NPAS3: variants seen among roughly 807,000 people sequenced by gnomAD.
NPAS3 encodes neuronal PAS domain protein 3.
NPAS3 carries 14 observed loss-of-function variants against 73.1 expected under a neutral mutation model. That is an observed-to-expected ratio of 0.19 (90% CI 0.13 to 0.30). NPAS3 has a LOEUF of 0.30. NPAS3 is among the 10% of genes least tolerant of loss of function. The pLI is 1.00. For missense variants in NPAS3, 1,096 were observed against 1,250.0 expected (o/e 0.88, Z 1.86); for synonymous variants, 620 against 541.5 (o/e 1.14, Z -2.01).
rs866595743 is a variant in NPAS3, at chr14:33,230,152, T to A, written c.385+14726T>A. Among the ~76,000 whole-genome samples, 13 of 152,344 alleles carry A rather than the reference T, an allele frequency of 8.5e-5. No homozygotes were observed. In the Middle Eastern group the frequency reaches 0.01, roughly 120 times the overall value. On this transcript the variant is annotated intron_variant, in intron 3 of 11. Transcript: ENST00000356141. ...TTCAGCATTTTGAGGAAATAAACTCTTAATGAGCCTGCATTCTTTTACAGC... is the reference window on the plus strand; with the variant it reads ...TTCAGCATTTTGAGGAAATAAACTCATAATGAGCCTGCATTCTTTTACAGC...
intron 2 of NPAS3, among the ~76,000 whole-genome samples, chr14:33,107,330 G>A (rs2042753245): frequency 1.3e-5 from 2 of 152,134 alleles, no homozygotes; most frequent in African/African-American, 2.4e-5. Context: ...GAGGTTTGGA[G>A]TACAAATGAA....
At chr14:33,792,032 T>C (rs1027344829) in intron 9 of NPAS3, among the ~76,000 whole-genome samples, 1 of 152,220 alleles carries the variant, frequency 6.6e-6, no homozygotes, top group African/African-American at 2.4e-5. Context: ...CTGTTAATAG[T>C]TAACCAGGTT....
chr14:32,965,998 G>A (rs1353106327), intron 1 of NPAS3, among the ~76,000 whole-genome samples: 1 of 152,102 alleles, frequency 6.6e-6, no homozygotes, highest in South Asian at 2.1e-4. Context: ...AACTAAGGAA[G>A]TGAAAGACTT....
intron 4 of NPAS3, among the ~76,000 whole-genome samples, chr14:33,485,952 G>A (rs567352077): frequency 6.0e-4 from 91 of 152,056 alleles, no homozygotes; most frequent in African/African-American, 1.8e-3. Context: ...ATGAATGTGA[G>A]TGGCCGCCTG....
chr14:33,495,305 C>G (rs1339054961), intron 4 of NPAS3, among the ~76,000 whole-genome samples: 1 of 152,052 alleles, frequency 6.6e-6, no homozygotes, highest in African/African-American at 2.4e-5. Context: ...GTTTCTTAAT[C>G]CTGAGTTCTA....
At chr14:33,020,219 A>G (rs188712894) in intron 1 of NPAS3, among the ~76,000 whole-genome samples, 8 of 152,370 alleles carry the variant, frequency 5.3e-5, no homozygotes, top group Non-Finnish European at 1.5e-5. Flanking sequence ...ATCAGTATCA[A>G]TTAATTCTTA....
At chr14:33,499,367 TA>T (rs1319685506) in intron 4 of NPAS3, among the ~76,000 whole-genome samples, 1 of 151,874 alleles carries the variant, frequency 6.6e-6, no homozygotes, top group Non-Finnish European at 1.5e-5. Flanking sequence ...TTTCAAGATT[TA>T]AACCCTTTTT....
At chr14:33,259,857 CT>C (rs33939091) in intron 3 of NPAS3, among the ~76,000 whole-genome samples, 109,843 of 145,662 alleles carry the variant, frequency 0.75, 41,721 homozygotes, top group Non-Finnish European at 0.84. Context: ...GCAGCAGCAT[CT>C]TTTTTTTTTT....
chr14:33,109,467 A>G (rs1405108419), intron 2 of NPAS3, among the ~76,000 whole-genome samples: 2 of 152,154 alleles, frequency 1.3e-5, no homozygotes, highest in African/African-American at 2.4e-5. Flanking sequence ...TGGGGATTAC[A>G]TTTCATAGAA....
At chr14:33,408,983 G>A (rs2047792708) in intron 4 of NPAS3, among the ~76,000 whole-genome samples, 1 of 152,130 alleles carries the variant, frequency 6.6e-6, no homozygotes, top group Non-Finnish European at 1.5e-5. Flanking sequence ...TTAAGCAATG[G>A]CAAAACTATC....
chr14:32,966,626 C>T (rs1276754556), intron 1 of NPAS3, among the ~76,000 whole-genome samples: 2 of 74,842 alleles, frequency 2.7e-5, no homozygotes, highest in African/African-American at 6.7e-5. Context: ...AAAAATTAGC[C>T]GGGCGCGGTG....
chr14:33,023,971 C>A (rs2039700880), intron 1 of NPAS3, among the ~76,000 whole-genome samples: 15 of 151,996 alleles, frequency 9.9e-5, no homozygotes, highest in Admixed American at 9.8e-4. Flanking sequence ...TGATGTGGCC[C>A]TTAGATGTTC....
At chr14:33,219,483 A>C (rs1223965252) in intron 3 of NPAS3, among the ~76,000 whole-genome samples, 1 of 152,218 alleles carries the variant, frequency 6.6e-6, no homozygotes, top group East Asian at 1.9e-4. Flanking sequence ...AAGTATAAGA[A>C]ATTCTTAGTC....
rs543767456 is a variant in NPAS3 at position 33,765,420 on chromosome 14, G to T, written c.853-8917G>T. Among the ~76,000 whole-genome samples the T allele has an allele frequency of 2.1e-4, 32 of 152,152 alleles. 1 individual carries two copies. The South Asian group carries it at 6.5e-3, about 31-fold the overall frequency. On this transcript the variant is annotated intron_variant, in intron 7 of 11. Transcript: ENST00000356141. ...TTAATCAGGAGCTCAGCCAGGGGCC[G>T]GCTGGGCTAGGGGGAGGGGATTGGC...
At chr14:33,378,202 G>A (rs889979042) in intron 4 of NPAS3, among the ~76,000 whole-genome samples, 1 of 152,186 alleles carries the variant, frequency 6.6e-6, no homozygotes, top group Non-Finnish European at 1.5e-5. Context: ...TAGTTTAGAT[G>A]AGACACTGTA....
At chr14:33,222,958 C>A (rs886805154) in intron 3 of NPAS3, among the ~76,000 whole-genome samples, 18 of 152,244 alleles carry the variant, frequency 1.2e-4, no homozygotes, top group African/African-American at 4.1e-4. Context: ...CTGGGATGAG[C>A]TGCTAGTCCC....
chr14:33,182,005 T>C (rs913800321), intron 2 of NPAS3, among the ~76,000 whole-genome samples: 12 of 152,180 alleles, frequency 7.9e-5, no homozygotes, highest in Non-Finnish European at 1.2e-4. Flanking sequence ...TATATGATTT[T>C]TTCTCCAAGT....
At chr14:33,204,662 C>T (rs916908597) in intron 2 of NPAS3, among the ~76,000 whole-genome samples, 2 of 152,074 alleles carry the variant, frequency 1.3e-5, no homozygotes, top group African/African-American at 4.8e-5. Flanking sequence ...GCAAATGATA[C>T]ACTGAGCAAA....
intron 1 of NPAS3, among the ~76,000 whole-genome samples, chr14:33,052,090 A>G (rs999621502): frequency 2.6e-5 from 4 of 152,172 alleles, no homozygotes; most frequent in African/African-American, 9.7e-5. Flanking sequence ...ATTCAGTAAG[A>G]TAGTTCAAAA....
Sources: gnomAD v4.1 joint callset for allele counts (sites outside exome capture counted in the v4.1 genomes callset) on GRCh38, gnomAD v4.1.1 for gene constraint, MANE v1.5 for transcripts, NCBI Gene and HGNC (gene_info 2026-07-23, HGNC 2026-07-21) for gene names.